Variants in RELN observed in about 807,000 individuals in gnomAD.
RELN encodes the protein reelin.
RELN carries 108 observed loss-of-function variants against 427.6 expected under a neutral mutation model. The observed-to-expected ratio is 0.25, with a 90% CI of 0.22 to 0.30. The LOEUF is 0.30. Ranked by LOEUF, RELN falls within the 10% of genes least tolerant of loss-of-function variation. The pLI is 1.00. For synonymous variants in RELN, 1,524 were observed against 1,513.4 expected (o/e 1.01, Z -0.16); for missense variants, 3,715 against 4,302.8 (o/e 0.86, Z 3.82).
In RELN at chr7:103,522,127, G is replaced by C; in HGVS notation, c.7563C>G (p.Asn2521Lys). 1 of 1,614,078 alleles carries C rather than the reference G, an allele frequency of 6.2e-7. No individual in the cohort carries two copies. Among genetic ancestry groups the C allele is most frequent in the Non-Finnish European group, 8.5e-7 (1 of 1,180,014 alleles). The change falls in exon 48 of 65, where the codon AAC becomes AAG. Residue 2521 changes from asparagine (N) to lysine (K), a missense_variant. Physicochemically the swap from Asn to Lys is moderately conservative, Grantham distance 94. Around this residue, in one of 4 missense-constraint regions of RELN, gnomAD observed 1,310 missense variants for 1,643.0 expected, o/e 0.80. Transcript: ENST00000428762. Reference protein sequence around the residue: ...ETSLPTQLKDNFNRAPSSQNW... With the variant: ...ETSLPTQLKDKFNRAPSSQNW... Reference sequence around the variant, plus strand: ...TCTGACTGGATGGAGCTCGATTGAAGTTGTCTTTGAGTTGGGTTGGAAGAG... The same window carrying C: ...TCTGACTGGATGGAGCTCGATTGAACTTGTCTTTGAGTTGGGTTGGAAGAG...
intron 2 of RELN, among the ~76,000 whole-genome samples, chr7:103,845,411 C>G (rs1000246449): frequency 6.6e-6 from 1 of 152,156 alleles, no homozygotes; most frequent in African/African-American, 2.4e-5. Flanking sequence ...GAACTCCTAA[C>G]CTCAAGTGAT....
At chr7:103,614,076 T>C (rs926535592) in intron 20 of RELN, among the ~76,000 whole-genome samples, 2 of 152,168 alleles carry the variant, frequency 1.3e-5, no homozygotes, top group Non-Finnish European at 2.9e-5. Flanking sequence ...TATTTTGGAA[T>C]AGCTGATAAC....
chr7:103,841,431 G>A (rs1341348245), intron 2 of RELN, among the ~76,000 whole-genome samples: 1 of 152,082 alleles, frequency 6.6e-6, no homozygotes, highest in Non-Finnish European at 1.5e-5. Flanking sequence ...GGAATCAATA[G>A]CAGAGTTTCC....
Position 103,800,751 on chromosome 7 carries a change from GC to G in RELN, c.474-24125del, listed in dbSNP as rs560332225. ...AAATGGGATCTAATTAAAGTGAAGAGCTTCTGCACAGCAAAAGAAACTACCA... is the reference window on the plus strand; with the variant it reads ...AAATGGGATCTAATTAAAGTGAAGAGTTCTGCACAGCAAAAGAAACTACCA... On this transcript the variant is annotated intron_variant, in intron 3 of 64. Transcript: ENST00000428762. Among the ~76,000 whole-genome samples, 506 of 152,324 alleles carry G rather than the reference GC, an allele frequency of 3.3e-3. 7 individuals carry two copies. The highest frequency in any genetic ancestry group is 0.012 in the African/African-American group (482 of 41,576).
intron 45 of RELN, 86 bp downstream of exon 45, chr7:103,538,992 G>C: frequency 1.4e-6 from 2 of 1,462,088 alleles, no homozygotes; most frequent in Non-Finnish European, 1.9e-6. Flanking sequence ...AGACCTATCA[G>C]AGAGGCAGAG....
Position 103,953,594 on chromosome 7 carries a change from T to C in RELN, c.226+35537A>G, listed in dbSNP as rs1281068504. Among the ~76,000 whole-genome samples the C allele has an allele frequency of 6.6e-6, 1 of 152,202 alleles. No homozygotes were observed. The highest frequency in any genetic ancestry group is 2.4e-5 in the African/African-American group (1 of 41,458). On this transcript the variant is annotated intron_variant, in intron 1 of 64. Coordinates refer to ENST00000428762, the MANE Select transcript of RELN (RefSeq NM_005045.4). The surrounding 1 kb of genome is among the most constrained non-coding windows in gnomAD (Gnocchi z 4.3). ...TACCAAATGAGAGTGTAATCTCAACTAGCAGTCGTAGTAAAATTGTTTCAG... is the reference window on the plus strand; with the variant it reads ...TACCAAATGAGAGTGTAATCTCAACCAGCAGTCGTAGTAAAATTGTTTCAG...
chr7:103,748,469 C>G (rs879658662), intron 6 of RELN, among the ~76,000 whole-genome samples: 1 of 152,152 alleles, frequency 6.6e-6, no homozygotes, highest in East Asian at 1.9e-4. Context: ...CTTTGGAACT[C>G]CTCTTCGGAA....
chr7:103,904,495 C>A (rs1379500607), intron 2 of RELN, among the ~76,000 whole-genome samples: 1 of 152,174 alleles, frequency 6.6e-6, no homozygotes, highest in Non-Finnish European at 1.5e-5. Context: ...ATTCCTATTT[C>A]TCCACAGCCA....
At chr7:103,503,915 A>C (rs1042898349) in intron 51 of RELN, among the ~76,000 whole-genome samples, 2 of 150,094 alleles carry the variant, frequency 1.3e-5, no homozygotes, top group Admixed American at 6.6e-5. Flanking sequence ...AAAAAAAAAA[A>C]AAACTAGAGG....
intron 1 of RELN, among the ~76,000 whole-genome samples, chr7:103,983,367 A>G (rs752280922): frequency 6.6e-6 from 1 of 152,250 alleles, no homozygotes; most frequent in East Asian, 1.9e-4. Flanking sequence ...TGAGATGGGC[A>G]TGGCAGGTGA....
intron 2 of RELN, among the ~76,000 whole-genome samples, chr7:103,837,944 A>C (rs1793449209): frequency 6.6e-6 from 1 of 152,212 alleles, no homozygotes; most frequent in Non-Finnish European, 1.5e-5. Context: ...GTGGTGGCTC[A>C]TGTCTGTAAT....
At chr7:103,975,649 C>T (rs989449216) in intron 1 of RELN, among the ~76,000 whole-genome samples, 1 of 151,356 alleles carries the variant, frequency 6.6e-6, no homozygotes, top group Non-Finnish European at 1.5e-5. Context: ...GGGTTCACGC[C>T]ATTCTCCTGC....
chr7:103,888,906 A>C (rs6979556), intron 2 of RELN, among the ~76,000 whole-genome samples: 40,398 of 152,040 alleles, frequency 0.27, 6,054 homozygotes, highest in African/African-American at 0.4. Context: ...GCTGACCCAC[A>C]CTTATCATCC....
intron 3 of RELN, among the ~76,000 whole-genome samples, chr7:103,782,994 A>G (rs891749495): frequency 3.3e-5 from 5 of 152,104 alleles, no homozygotes; most frequent in Admixed American, 3.3e-4. Context: ...GTAATTCAGT[A>G]TGCCTGTGCC....
intron 4 of RELN, among the ~76,000 whole-genome samples, chr7:103,757,042 C>G (rs1370733085): frequency 6.6e-6 from 1 of 152,078 alleles, no homozygotes; most frequent in Admixed American, 6.6e-5. Context: ...TCCACATTTA[C>G]TGAGGTAAAT....
At chr7:103,518,113 G>T (rs892606194) in intron 49 of RELN, among the ~76,000 whole-genome samples, 1 of 152,124 alleles carries the variant, frequency 6.6e-6, no homozygotes. Context: ...TGCTTGCGGA[G>T]CCACTACAGT....
chr7:103,546,136 C>T (rs6960993), intron 41 of RELN, among the ~76,000 whole-genome samples: 125,970 of 152,216 alleles, frequency 0.83, 52,176 homozygotes, highest in African/African-American at 0.87. Context: ...CCCATGCCCA[C>T]TGAACAGTTT....
At chr7:103,663,357 TG>T (rs1159540676) in intron 11 of RELN, among the ~76,000 whole-genome samples, 2 of 152,190 alleles carry the variant, frequency 1.3e-5, no homozygotes, top group African/African-American at 4.8e-5. Context: ...TAATTCTTGT[TG>T]AGCGATGGCG....
intron 2 of RELN, among the ~76,000 whole-genome samples, chr7:103,858,685 T>C (rs1455452986): frequency 6.6e-6 from 1 of 152,210 alleles, no homozygotes; most frequent in Non-Finnish European, 1.5e-5. Context: ...CATCCTTTAC[T>C]GTACATCCCT....
Sources: gnomAD v4.1 joint callset for allele counts (sites outside exome capture counted in the v4.1 genomes callset) on GRCh38, gnomAD v4.1.1 for gene constraint, gnomAD v4.1.1 regional missense constraint, Gnocchi (gnomAD v3.1) non-coding constraint, MANE v1.5 for transcripts, NCBI Gene and HGNC (gene_info 2026-07-23, HGNC 2026-07-21) for gene names.